Variants in MDGA2 observed in about 807,000 individuals in gnomAD.
MDGA2 encodes the protein MAM domain-containing glycosylphosphatidylinositol anchor protein 2.
In MDGA2, 40 loss-of-function variants were observed where a neutral mutation model predicts 117.8. That is an observed-to-expected ratio of 0.34 (90% CI 0.26 to 0.44). The LOEUF (loss-of-function observed/expected upper bound fraction) is 0.44. Ranked by LOEUF, MDGA2 falls within the 20% of genes least tolerant of loss-of-function variation. The pLI, the probability that MDGA2 is intolerant of heterozygous loss-of-function variation, is 1.00. For synonymous variants in MDGA2, 452 were observed against 439.0 expected (o/e 1.03, Z -0.37); for missense variants, 1,123 against 1,250.6 (o/e 0.90, Z 1.54).
chr14:47,179,783 T>C (rs1016094941), intron 3 of MDGA2, among the ~76,000 whole-genome samples: 53 of 152,242 alleles, frequency 3.5e-4, no homozygotes, highest in African/African-American at 1.3e-3. Flanking sequence ...CTCACCAAAA[T>C]ATTCTATTGG....
At chr14:47,380,505 T>G (rs1172247739) in intron 1 of MDGA2, among the ~76,000 whole-genome samples, 1 of 151,582 alleles carries the variant, frequency 6.6e-6, no homozygotes, top group East Asian at 1.9e-4. Flanking sequence ...AAGAATCAAA[T>G]AGACGCAATA....
At chr14:47,352,358 G>T (rs2138350945) in intron 1 of MDGA2, among the ~76,000 whole-genome samples, 1 of 151,950 alleles carries the variant, frequency 6.6e-6, no homozygotes, top group Middle Eastern at 3.4e-3. Flanking sequence ...AATAACAACT[G>T]CTTTCCTTCC....
intron 2 of MDGA2, among the ~76,000 whole-genome samples, chr14:47,254,271 T>C (rs1026054165): frequency 2.0e-5 from 3 of 152,230 alleles, no homozygotes; most frequent in Admixed American, 6.5e-5. Context: ...AATTGGTTTT[T>C]ATTTTCTATC....
intron 1 of MDGA2, among the ~76,000 whole-genome samples, chr14:47,434,075 T>C (rs1303421077): frequency 2.0e-5 from 3 of 152,088 alleles, no homozygotes; most frequent in Non-Finnish European, 2.9e-5. Flanking sequence ...GTCACTCTGA[T>C]AGCAAAAAAA....
At chr14:46,870,976 A>G (rs1881971055) in intron 14 of MDGA2, 1 of 152,000 alleles carries the variant, frequency 6.6e-6, no homozygotes. Flanking sequence ...ATCAATTAAA[A>G]TATGTGATCC....
chr14:46,914,241 G>A (rs1331824481), intron 10 of MDGA2, among the ~76,000 whole-genome samples: 1 of 151,966 alleles, frequency 6.6e-6, no homozygotes, highest in Non-Finnish European at 1.5e-5. Context: ...TCTCTTTCCT[G>A]TTAAGCAACA....
chr14:47,653,570 G>C (rs146409978), intron 1 of MDGA2, among the ~76,000 whole-genome samples: 1 of 152,034 alleles, frequency 6.6e-6, no homozygotes, highest in East Asian at 1.9e-4. Context: ...ACCAAACCTC[G>C]CCAAAAGAAG....
At chr14:46,842,249 A>T (rs1296598892) in intron 16 of MDGA2, among the ~76,000 whole-genome samples, 1 of 152,188 alleles carries the variant, frequency 6.6e-6, no homozygotes, top group Non-Finnish European at 1.5e-5. Context: ...TTGAATTGAT[A>T]TAATATGCTA....
chr14:47,461,269 A>ATATGTGTGTGTGTGTGTG (rs1555324400), intron 1 of MDGA2, among the ~76,000 whole-genome samples: 2 of 142,948 alleles, frequency 1.4e-5, no homozygotes, highest in South Asian at 2.3e-4. Context: ...AAAAAAATGT[A>ATATGTGTGTGTGTGTGTG]TGTGTGTGTG....
chr14:46,910,017 C>T (rs1276038895), intron 10 of MDGA2, among the ~76,000 whole-genome samples: 15 of 151,974 alleles, frequency 9.9e-5, no homozygotes, highest in Admixed American at 9.8e-4. Context: ...TTCCATTAAA[C>T]CTGTGCCTAA....
chr14:47,591,437 C>T (rs550806446), intron 1 of MDGA2, among the ~76,000 whole-genome samples: 1 of 152,220 alleles, frequency 6.6e-6, no homozygotes, highest in South Asian at 2.1e-4. Flanking sequence ...TTCTTCCTAA[C>T]TCATTTTATG....
At chr14:47,193,452 T>C (rs529605393) in intron 3 of MDGA2, among the ~76,000 whole-genome samples, 1 of 151,798 alleles carries the variant, frequency 6.6e-6, no homozygotes. Context: ...ATGTAATACT[T>C]CCTTATTATT....
chr14:47,638,455 T>C (rs1226210771), intron 1 of MDGA2, among the ~76,000 whole-genome samples: 3 of 152,144 alleles, frequency 2.0e-5, no homozygotes, highest in Non-Finnish European at 4.4e-5. Context: ...GTGCAGGCTC[T>C]TTGGAACATG....
chr14:47,261,365 T>G (rs1393628933), intron 2 of MDGA2, among the ~76,000 whole-genome samples: 1 of 151,942 alleles, frequency 6.6e-6, no homozygotes, highest in Non-Finnish European at 1.5e-5. Context: ...TGGTCAAGAG[T>G]GAAATGTGAA....
At chr14:46,918,290 T>A (rs1883977410) in intron 10 of MDGA2, among the ~76,000 whole-genome samples, 2 of 149,324 alleles carry the variant, frequency 1.3e-5, no homozygotes, top group Non-Finnish European at 3.0e-5. Flanking sequence ...AACAAAAAAA[T>A]GAATATGAAT....
At position 47,061,304 on chromosome 14, in the gene MDGA2, C is replaced by G; in HGVS notation, c.1470G>C (p.Leu490=). Residue 490 remains leucine, a synonymous_variant, in exon 7 of 17, where the codon CTG becomes CTC. Transcript: ENST00000399232. ...TGATATCAGATATTCCTCCTCCCTT[C>G]AGAGATGCTACACATGTGTACGTCC... The part of the protein sequence containing the change: ...DFGTYTCVAS[L]KGGGISDISI... The G allele has an allele frequency of 6.2e-7, 1 of 1,613,524 alleles. No homozygotes were observed.
chr14:46,849,358 T>G (rs1880970747), intron 15 of MDGA2, among the ~76,000 whole-genome samples: 1 of 151,894 alleles, frequency 6.6e-6, no homozygotes, highest in Non-Finnish European at 1.5e-5. Context: ...AGGTTGAATT[T>G]CACCAATAAA....
At chr14:46,864,478 C>T (rs1388727338) in intron 14 of MDGA2, among the ~76,000 whole-genome samples, 1 of 146,122 alleles carries the variant, frequency 6.8e-6, no homozygotes, top group African/African-American at 2.5e-5. Context: ...TACTAGACTC[C>T]AAATTGAGAG....
intron 3 of MDGA2, among the ~76,000 whole-genome samples, chr14:47,188,545 C>A (rs1477052548): frequency 6.6e-6 from 1 of 152,104 alleles, no homozygotes; most frequent in African/African-American, 2.4e-5. Context: ...AAGGAGGAGA[C>A]CTAGCTAAGC....
Sources: allele counts gnomAD v4.1 joint callset (sites outside exome capture counted in the v4.1 genomes callset), GRCh38; gene constraint gnomAD v4.1.1; transcripts MANE v1.5; gene names NCBI Gene and HGNC (gene_info 2026-07-23, HGNC 2026-07-21).